DNAJC1: variants seen among roughly 807,000 people sequenced by gnomAD.
DNAJC1 encodes the protein DnaJ heat shock protein family (Hsp40) member C1, also known as dnaJ homolog subfamily C member 1.
In DNAJC1, 58 loss-of-function variants were observed where a neutral mutation model predicts 76.6. The observed-to-expected ratio is 0.76, with a 90% CI of 0.61 to 0.94. The LOEUF (loss-of-function observed/expected upper bound fraction) is 0.94. Ranked by LOEUF, DNAJC1 falls within the 40% of genes least tolerant of loss-of-function variation. The pLI is 0.00. For synonymous variants in DNAJC1, 258 were observed against 267.9 expected (o/e 0.96, Z 0.36); for missense variants, 689 against 677.3 (o/e 1.02, Z -0.19).
chr10:21,967,996 CACTT>C (rs1430328551), intron 1 of DNAJC1, among the ~76,000 whole-genome samples: 12 of 152,208 alleles, frequency 7.9e-5, no homozygotes, highest in African/African-American at 2.9e-4. Context: ...ATAGATCAGT[CACTT>C]AGTCTCAAGT....
chr10:21,798,088 G>C (rs1267635075), intron 9 of DNAJC1, among the ~76,000 whole-genome samples: 1 of 152,158 alleles, frequency 6.6e-6, no homozygotes, highest in Non-Finnish European at 1.5e-5. Context: ...TACACACACA[G>C]GCAATCATTT....
At chr10:21,839,068 A>G (rs1564804125) in intron 8 of DNAJC1, among the ~76,000 whole-genome samples, 1 of 152,232 alleles carries the variant, frequency 6.6e-6, no homozygotes, top group Non-Finnish European at 1.5e-5. Context: ...CAAAGACTCA[A>G]CATACCAGAA....
chr10:21,895,712 A>C (rs1308051903), intron 7 of DNAJC1, among the ~76,000 whole-genome samples: 2 of 152,190 alleles, frequency 1.3e-5, no homozygotes, highest in African/African-American at 4.8e-5. Flanking sequence ...GACAGATGCT[A>C]TTCATCAAGA....
At position 21,939,346 on chromosome 10, in the gene DNAJC1, G is replaced by A. The variant is rs534330699; in HGVS notation, c.223-10205C>T. ...TATTTAGGAACTTCAAACTCTAATT[G>A]ACATCTGGGACCCTTAATTTGTATA... On this transcript the variant is annotated intron_variant, in intron 1 of 11. Transcript: ENST00000376980. Among the ~76,000 whole-genome samples the A allele has an allele frequency of 2.6e-5, 4 of 152,242 alleles. No individual in the cohort carries two copies. In the South Asian group the frequency reaches 8.3e-4, roughly 32 times the overall value.
At chr10:21,786,758 A>G (rs1834616674) in intron 9 of DNAJC1, among the ~76,000 whole-genome samples, 1 of 152,106 alleles carries the variant, frequency 6.6e-6, no homozygotes, top group South Asian at 2.1e-4. Context: ...GGCATGAGCC[A>G]CTGTGCCTGG....
chr10:21,958,599 C>T (rs532539919), intron 1 of DNAJC1, among the ~76,000 whole-genome samples: 1 of 151,942 alleles, frequency 6.6e-6, no homozygotes, highest in African/African-American at 2.4e-5. Context: ...GCTAATTTTT[C>T]GTATTTTTAG....
chr10:21,978,602 CAG>C lies in DNAJC1; in HGVS notation c.222+24609_222+24610del, dbSNP rs1218303942. Among the ~76,000 whole-genome samples the C allele has an allele frequency of 2.6e-5, 4 of 152,056 alleles. No individual in the cohort carries two copies. The East Asian group carries it at 7.7e-4, about 29-fold the overall frequency. Reference sequence around the variant, plus strand: ...CAAATTATTTCCTGTATGTAAAAGGCAGGAATCCTACATTTCTGTCAAAGATT... The same window carrying C: ...CAAATTATTTCCTGTATGTAAAAGGCGAATCCTACATTTCTGTCAAAGATT... On this transcript the variant is annotated intron_variant, in intron 1 of 11. Coordinates refer to ENST00000376980, the MANE Select transcript of DNAJC1 (RefSeq NM_022365.4).
intron 3 of DNAJC1, among the ~76,000 whole-genome samples, chr10:21,922,349 T>C (rs1213091192): frequency 1.3e-5 from 2 of 152,020 alleles, no homozygotes; most frequent in Admixed American, 1.3e-4. Flanking sequence ...TTAGCAAATC[T>C]AGAAAACCTG....
chr10:21,965,349 C>A (rs1313625288), intron 1 of DNAJC1, among the ~76,000 whole-genome samples: 1 of 152,096 alleles, frequency 6.6e-6, no homozygotes, highest in Non-Finnish European at 1.5e-5. Flanking sequence ...TTCCATATAT[C>A]CTTACCTCAG....
At chr10:21,953,175 T>G (rs1392733409) in intron 1 of DNAJC1, among the ~76,000 whole-genome samples, 3 of 152,112 alleles carry the variant, frequency 2.0e-5, no homozygotes, top group South Asian at 4.1e-4. Context: ...TTTTAATTTT[T>G]TTAGTTGGGC....
chr10:21,941,095 CAAAAAAAAAAAAAAAAAA>C (rs1208799870), intron 1 of DNAJC1, among the ~76,000 whole-genome samples: 1 of 39,182 alleles, frequency 2.6e-5, no homozygotes, highest in Non-Finnish European at 5.5e-5. Context: ...ACTAAAAATA[CAAAAAAAAAAAAAAAAAA>C]AAAAAATTAG....
chr10:21,776,834 T>C (rs965711854), intron 9 of DNAJC1, among the ~76,000 whole-genome samples: 3 of 152,226 alleles, frequency 2.0e-5, no homozygotes, highest in Non-Finnish European at 2.9e-5. Flanking sequence ...AAAACACTTA[T>C]GCAAAAAGAC....
intron 8 of DNAJC1, among the ~76,000 whole-genome samples, chr10:21,825,104 T>C (rs1046123523): frequency 2.0e-5 from 3 of 152,166 alleles, no homozygotes; most frequent in African/African-American, 7.2e-5. Flanking sequence ...CAATTTTAAG[T>C]GCACCATTCA....
In DNAJC1 at chr10:21,882,393, T is replaced by G. The variant is rs1836297691; in HGVS notation, c.867A>C (p.Thr289=). Residue 289 remains threonine, a synonymous_variant, in exon 8 of 12, where the codon ACA becomes ACC. Coordinates refer to ENST00000376980, the MANE Select transcript of DNAJC1 (RefSeq NM_022365.4). ...ACTGAATATATGTAGTTTCTAAAGG[T>G]GTGTATACAGGAAATTCAGGTTTTG... ...KKPKPEFPVY[T]PLETTYIQSY... The G allele has an allele frequency of 1.3e-6, 2 of 1,566,560 alleles. No individual in the cohort carries two copies. The highest frequency in any genetic ancestry group is 1.7e-6 in the Non-Finnish European group (2 of 1,162,866).
chr10:21,819,537 G>A (rs1005449983), intron 8 of DNAJC1, among the ~76,000 whole-genome samples: 3 of 152,180 alleles, frequency 2.0e-5, no homozygotes, highest in Non-Finnish European at 2.9e-5. Context: ...CAGAACATGT[G>A]AGGTGGCCTT....
chr10:21,907,041 A>AAT (rs1370870996), intron 6 of DNAJC1, among the ~76,000 whole-genome samples: 5 of 152,116 alleles, frequency 3.3e-5, no homozygotes, highest in Non-Finnish European at 7.4e-5. Flanking sequence ...TTTGCTGTAT[A>AAT]ATAGCAACCT....
chr10:21,774,068 G>A (rs890478158), intron 9 of DNAJC1, among the ~76,000 whole-genome samples: 2 of 148,092 alleles, frequency 1.4e-5, no homozygotes, highest in African/African-American at 5.0e-5. Context: ...GTGAACCCGG[G>A]AGGCGGAGCT....
At chr10:21,825,981 A>AATC (rs1769190765) in intron 8 of DNAJC1, among the ~76,000 whole-genome samples, 1 of 152,164 alleles carries the variant, frequency 6.6e-6, no homozygotes, top group African/African-American at 2.4e-5. Context: ...TCATGCCTGT[A>AATC]ATCCCAACAC....
intron 1 of DNAJC1, among the ~76,000 whole-genome samples, chr10:21,935,106 G>C (rs148865724): frequency 6.6e-6 from 1 of 151,970 alleles, no homozygotes; most frequent in Admixed American, 6.6e-5. Context: ...AAAGAAACAG[G>C]AAAGTATGGT....
Sources: allele counts gnomAD v4.1 joint callset (sites outside exome capture counted in the v4.1 genomes callset), GRCh38; gene constraint gnomAD v4.1.1; transcripts MANE v1.5; gene names NCBI Gene and HGNC (gene_info 2026-07-23, HGNC 2026-07-21).